The following ENTREP3 variants were observed in gnomAD, a reference collection of about 807,000 sequenced individuals.
The protein encoded by ENTREP3 is protein ENTREP3.
chr1:155,253,345 T>C, the ENTREP3 span: 2 of 399,930 alleles, frequency 5.0e-6, no homozygotes, highest in Admixed American at 4.3e-5. Flanking sequence ...GTGCCCAGCA[T>C]AGGACCTTCT....
chr1:155,249,884 TCAA>T, the ENTREP3 span, among the ~76,000 whole-genome samples: 27 of 116,812 alleles, frequency 2.3e-4, no homozygotes, highest in South Asian at 1.1e-3. Flanking sequence ...AGACACCGTC[TCAA>T]AAAAAAAAAA....
the ENTREP3 span, chr1:155,247,867 C>G: frequency 6.6e-7 from 1 of 1,525,530 alleles, no homozygotes; most frequent in Non-Finnish European, 8.8e-7. Flanking sequence ...AGACAGGAGA[C>G]GCCGCAGGGA....
the ENTREP3 span, chr1:155,247,918 C>A: frequency 6.3e-7 from 1 of 1,594,056 alleles, no homozygotes; most frequent in Non-Finnish European, 8.5e-7. Flanking sequence ...AAGGTGGAGG[C>A]TCTCTCGGCC....
the ENTREP3 span, chr1:155,250,615 G>T: frequency 2.5e-6 from 4 of 1,609,296 alleles, no homozygotes; most frequent in Non-Finnish European, 3.4e-6. The surrounding 1 kb of genome is among the most constrained non-coding windows in gnomAD (Gnocchi z 5.4). Context: ...CGCCGTGGCA[G>T]GGGGCTTTCC....
the ENTREP3 span, chr1:155,254,600 G>A: frequency 6.3e-7 from 1 of 1,576,284 alleles, no homozygotes; most frequent in Non-Finnish European, 8.7e-7. This position sits in a 1 kb window ranked among gnomAD's most constrained non-coding sequence, Gnocchi z 4.4. Context: ...AGCTGGTGTG[G>A]AGGGTGGGGC....
chr1:155,254,256 C>T, the ENTREP3 span: 2 of 1,497,708 alleles, frequency 1.3e-6, no homozygotes, highest in Non-Finnish European at 1.9e-6. The surrounding 1 kb of genome is among the most constrained non-coding windows in gnomAD (Gnocchi z 4.4). Flanking sequence ...CTGCCACGGA[C>T]AGAGTCCCCC....
the ENTREP3 span, chr1:155,248,220 G>A: frequency 8.4e-4 from 1,347 of 1,608,196 alleles, 4 homozygotes; most frequent in East Asian, 5.6e-3. Context: ...GGCACAGGGC[G>A]CCGTTTCTCG....
chr1:155,253,391 GC>G, the ENTREP3 span: 2 of 530,130 alleles, frequency 3.8e-6, no homozygotes, highest in African/African-American at 1.9e-5. Flanking sequence ...ATTCTCTAAA[GC>G]ACCCTCTCCT....
At chr1:155,248,914 C>T in the ENTREP3 span, among the ~76,000 whole-genome samples, 1 of 151,874 alleles carries the variant, frequency 6.6e-6, no homozygotes, top group Non-Finnish European at 1.5e-5. Context: ...GGGGGTTTCA[C>T]CATGTTGGCT....
the ENTREP3 span, chr1:155,250,497 G>A: frequency 6.7e-7 from 1 of 1,495,562 alleles, no homozygotes; most frequent in Non-Finnish European, 8.9e-7. The surrounding 1 kb of genome is among the most constrained non-coding windows in gnomAD (Gnocchi z 5.4). Flanking sequence ...TCCCACCCAG[G>A]GCGGCCAGCC....
the ENTREP3 span, chr1:155,251,297 C>T: frequency 1.3e-6 from 1 of 792,404 alleles, no homozygotes; most frequent in Non-Finnish European, 2.0e-6. Flanking sequence ...GCAGCCTCAG[C>T]TTCCACGTCT....
the ENTREP3 span, chr1:155,253,918 C>G: frequency 6.2e-7 from 1 of 1,612,710 alleles, no homozygotes; most frequent in Non-Finnish European, 8.5e-7. Flanking sequence ...AGTTCCTGCC[C>G]CGACTCTGGA....
At chr1:155,247,867 C>T in the ENTREP3 span, 9 of 1,525,530 alleles carry the variant, frequency 5.9e-6, no homozygotes, top group East Asian at 2.3e-5. Context: ...AGACAGGAGA[C>T]GCCGCAGGGA....
the ENTREP3 span, chr1:155,251,487 G>C: frequency 1.3e-6 from 2 of 1,599,614 alleles, no homozygotes; most frequent in Non-Finnish European, 8.6e-7. Context: ...GCCCCAAGCC[G>C]TGCTGTGCTC....
chr1:155,248,109 G>A, the ENTREP3 span: 1 of 1,614,200 alleles, frequency 6.2e-7, no homozygotes. Context: ...GATATCTGGA[G>A]GAAACGAGTG....
At chr1:155,250,990 C>T in the ENTREP3 span, 2 of 1,304,180 alleles carry the variant, frequency 1.5e-6, no homozygotes, top group Non-Finnish European at 2.2e-6. This position sits in a 1 kb window ranked among gnomAD's most constrained non-coding sequence, Gnocchi z 5.4. Context: ...CTCCTATGTC[C>T]CCAAACCACC....
chr1:155,250,141 T>C, the ENTREP3 span: 1 of 676,116 alleles, frequency 1.5e-6, no homozygotes, highest in Non-Finnish European at 2.4e-6. This position sits in a 1 kb window ranked among gnomAD's most constrained non-coding sequence, Gnocchi z 5.4. Flanking sequence ...GAGAAGTGTC[T>C]ACCAGAGGAG....
chr1:155,247,321 C>T, the ENTREP3 span: 1 of 457,316 alleles, frequency 2.2e-6, no homozygotes, highest in Non-Finnish European at 4.4e-6. Flanking sequence ...GGTTACATAG[C>T]TTGCCCAAGG....
At chr1:155,253,494 G>A in the ENTREP3 span, 5 of 631,520 alleles carry the variant, frequency 7.9e-6, no homozygotes, top group African/African-American at 1.8e-5. Context: ...AATAGATGAG[G>A]ATAATAGATA....
Sources: allele counts gnomAD v4.1 joint callset (sites outside exome capture counted in the v4.1 genomes callset), GRCh38; gene constraint gnomAD v4.1.1; non-coding constraint Gnocchi (gnomAD v3.1); transcripts MANE v1.5; gene names NCBI Gene and HGNC (gene_info 2026-07-23, HGNC 2026-07-21).